COL23A1: variants seen among roughly 807,000 people sequenced by gnomAD.
COL23A1 encodes the protein collagen type XXIII alpha 1 chain, also known as collagen alpha-1(XXIII) chain.
Under a neutral mutation model 99.3 loss-of-function variants are expected in COL23A1, and 97 were observed. The observed-to-expected ratio is 0.98, with a 90% confidence interval of 0.83 to 1.16. The LOEUF (loss-of-function observed/expected upper bound fraction) is 1.16. COL23A1 is among the 50% of genes most tolerant of loss of function. The probability of loss-of-function intolerance (pLI) is 0.00; values close to 1 mark genes in which losing one functional copy is unlikely to be tolerated. For missense variants in COL23A1, 762 were observed against 757.4 expected, an observed-to-expected ratio of 1.01 and a Z score of -0.07; for synonymous variants, 320 against 308.2, an observed-to-expected ratio of 1.04 and a Z score of -0.40.
chr5:178,398,746 C>T (rs1374486548), intron 2 of COL23A1, among the ~76,000 whole-genome samples: 1 of 152,236 alleles, frequency 6.6e-6, no homozygotes, highest in African/African-American at 2.4e-5. Context: ...CCTTTGTTCA[C>T]TATTTATTAT....
intron 3 of COL23A1, among the ~76,000 whole-genome samples, chr5:178,291,824 G>A (rs188436039): frequency 2.7e-4 from 41 of 151,870 alleles, no homozygotes; most frequent in African/African-American, 9.4e-4. Context: ...AGGAAGGAGA[G>A]AGATGACAAG....
At position 178,280,286 on chromosome 5, in the gene COL23A1, A is replaced by G. The variant is rs1227940336; in HGVS notation, c.441+8038T>C. Among the ~76,000 whole-genome samples the G allele has an allele frequency of 6.6e-6, 1 of 152,182 alleles. No individual in the cohort carries two copies. The highest frequency in any genetic ancestry group is 1.5e-5 in the Non-Finnish European group (1 of 68,014). ...CCAAAAGGGGCGCCTTCAGCCTCACAGGCTTCCCTGGCTGGCATTGGTAAT... is the reference window on the plus strand; with the variant it reads ...CCAAAAGGGGCGCCTTCAGCCTCACGGGCTTCCCTGGCTGGCATTGGTAAT... On this transcript the variant is annotated intron_variant, in intron 5 of 28. Transcript: ENST00000390654. The surrounding 1 kb of genome is among the most constrained non-coding windows in gnomAD (Gnocchi z 4.9).
intron 2 of COL23A1, among the ~76,000 whole-genome samples, chr5:178,482,528 T>C (rs867516395): frequency 6.6e-6 from 1 of 152,172 alleles, no homozygotes; most frequent in Non-Finnish European, 1.5e-5. Flanking sequence ...CTGAGATGGA[T>C]GGTGGTGATG....
rs1287468636 is a variant in COL23A1 at position 178,307,519 on chromosome 5, G to A, written c.362-600C>T. On this transcript the variant is annotated intron_variant, in intron 2 of 28. Coordinates refer to ENST00000390654, the MANE Select transcript of COL23A1 (RefSeq NM_173465.4). The surrounding 1 kb of genome is among the most constrained non-coding windows in gnomAD (Gnocchi z 4.2). Reference sequence around the variant, plus strand: ...GCCGCCTTCTGGGCTTCCTGTCCACGTCTGTCCTCCATCCGCGCGCTATAA... The same window carrying A: ...GCCGCCTTCTGGGCTTCCTGTCCACATCTGTCCTCCATCCGCGCGCTATAA... Among the ~76,000 whole-genome samples, 3 of 152,204 alleles carry A rather than the reference G, an allele frequency of 2.0e-5. No homozygotes were observed. Among genetic ancestry groups the A allele is most frequent in the South Asian group, 2.1e-4 (1 of 4,834 alleles).
At chr5:178,371,644 C>G (rs1291831239) in intron 2 of COL23A1, among the ~76,000 whole-genome samples, 1 of 152,200 alleles carries the variant, frequency 6.6e-6, no homozygotes, top group Non-Finnish European at 1.5e-5. Context: ...GCTCACCCAC[C>G]CCGCACACCC....
At chr5:178,253,570 C>G (rs1765147196) in intron 16 of COL23A1, among the ~76,000 whole-genome samples, 1 of 150,986 alleles carries the variant, frequency 6.6e-6, no homozygotes, top group Non-Finnish European at 1.5e-5. Context: ...ACAACCTCTG[C>G]CTCCCGGGTT....
At chr5:178,436,378 A>C (rs550247753) in intron 2 of COL23A1, among the ~76,000 whole-genome samples, 51 of 126,042 alleles carry the variant, frequency 4.0e-4, no homozygotes, top group Non-Finnish European at 5.3e-4. Context: ...GCACGGGGAG[A>C]GGGCAAGAAC....
At chr5:178,438,854 A>G (rs935656743) in intron 2 of COL23A1, 3 of 152,190 alleles carry the variant, frequency 2.0e-5, no homozygotes, top group African/African-American at 4.8e-5. Context: ...GCAGTCCCCA[A>G]ACGTGGCTGC....
chr5:178,398,488 G>A (rs1187023934), intron 2 of COL23A1, among the ~76,000 whole-genome samples: 9 of 152,036 alleles, frequency 5.9e-5, no homozygotes, highest in Non-Finnish European at 7.4e-5. Flanking sequence ...TTAGCTGGGC[G>A]TGGTGGCACG....
At chr5:178,505,955 C>G (rs1447273094) in intron 2 of COL23A1, among the ~76,000 whole-genome samples, 2 of 151,490 alleles carry the variant, frequency 1.3e-5, no homozygotes, top group Non-Finnish European at 1.5e-5. Flanking sequence ...CACGGTGAGT[C>G]TAAGCAGACC....
At position 178,476,583 on chromosome 5, in the gene COL23A1, C is replaced by T. The variant is rs190833750; in HGVS notation, c.361+84099G>A. Among the ~76,000 whole-genome samples, 5 of 152,272 alleles carry T rather than the reference C, an allele frequency of 3.3e-5. No homozygotes were observed. In the East Asian group the frequency reaches 5.8e-4, roughly 18 times the overall value. On this transcript the variant is annotated intron_variant, in intron 2 of 28. Transcript: ENST00000390654. Reference sequence around the variant, plus strand: ...AAGGGAAGAGAATACAAAGCGTGTGCGCTGGGGGCAGGAATCTCGGGGCTG... The same window carrying T: ...AAGGGAAGAGAATACAAAGCGTGTGTGCTGGGGGCAGGAATCTCGGGGCTG...
chr5:178,448,910 GT>G (rs35213717), intron 2 of COL23A1, among the ~76,000 whole-genome samples: 41,479 of 143,950 alleles, frequency 0.29, 6,504 homozygotes, highest in Middle Eastern at 0.39. Flanking sequence ...AAGAAATAAA[GT>G]TTTTTTTTTT....
At chr5:178,285,416 A>G (rs1367646412) in intron 5 of COL23A1, among the ~76,000 whole-genome samples, 1 of 152,222 alleles carries the variant, frequency 6.6e-6, no homozygotes, top group African/African-American at 2.4e-5. Context: ...AACAAAACAA[A>G]AAACCAAAAA....
chr5:178,570,674 G>GCAGGCAAGGACAGTGATCTTTGAGA (rs1302871888), intron 1 of COL23A1, among the ~76,000 whole-genome samples: 5 of 152,190 alleles, frequency 3.3e-5, no homozygotes, highest in African/African-American at 9.7e-5. Context: ...CTAGGGACAG[G>GCAGGCAAGGACAGTGATCTTTGAGA]CAGGCAAGGA....
intron 12 of COL23A1, among the ~76,000 whole-genome samples, chr5:178,258,805 C>T (rs1765475562): frequency 6.6e-6 from 1 of 152,150 alleles, no homozygotes; most frequent in Admixed American, 6.6e-5. Flanking sequence ...AGCGATCCTC[C>T]CACCTCAGCC....
intron 2 of COL23A1, among the ~76,000 whole-genome samples, chr5:178,470,991 T>G (rs2546636): frequency 1.3e-5 from 2 of 152,094 alleles, no homozygotes; most frequent in Non-Finnish European, 2.9e-5. Context: ...TTTGCTAACT[T>G]TCAGCTCTGT....
rs551282835 is a variant in COL23A1 at position 178,384,011 on chromosome 5, C to A, written c.362-77092G>T. 3.0e-4 allele frequency among the ~76,000 whole-genome samples: 46 copies of A among 152,294 alleles called. No individual in the cohort carries two copies. The South Asian group carries it at 5.2e-3, about 17-fold the overall frequency. ...TAGCAAACGAGGCCACGCTGTGTGACACGGGGGCCCAGGACTCCACCAGGC... is the reference window on the plus strand; with the variant it reads ...TAGCAAACGAGGCCACGCTGTGTGAAACGGGGGCCCAGGACTCCACCAGGC... On this transcript the variant is annotated intron_variant, in intron 2 of 28. Transcript: ENST00000390654. This position sits in a 1 kb window ranked among gnomAD's most constrained non-coding sequence, Gnocchi z 5.5.
intron 2 of COL23A1, among the ~76,000 whole-genome samples, chr5:178,522,524 C>G (rs2113076264): frequency 6.6e-6 from 1 of 152,284 alleles, no homozygotes; most frequent in African/African-American, 2.4e-5. Flanking sequence ...CCACAGCTGC[C>G]CTCAGCCCAC....
intron 2 of COL23A1, among the ~76,000 whole-genome samples, chr5:178,379,502 T>C (rs571329114): frequency 1.3e-5 from 2 of 152,326 alleles, no homozygotes; most frequent in African/African-American, 4.8e-5. Context: ...CTCTGTATTT[T>C]GGTACTTTTT....
Sources: gnomAD v4.1 joint callset for allele counts (sites outside exome capture counted in the v4.1 genomes callset) on GRCh38, gnomAD v4.1.1 for gene constraint, Gnocchi (gnomAD v3.1) non-coding constraint, MANE v1.5 for transcripts, NCBI Gene and HGNC (gene_info 2026-07-23, HGNC 2026-07-21) for gene names.